Variants in STPG1 observed in about 807,000 individuals in gnomAD.
STPG1 encodes the protein sperm tail PG-rich repeat containing 1.
In STPG1, 33 loss-of-function variants were observed where a neutral mutation model predicts 40.1. That is an observed-to-expected ratio of 0.82 (90% confidence interval 0.62 to 1.10). The LOEUF is 1.10. STPG1 is among the 50% of genes least tolerant of loss of function. The pLI, the probability that STPG1 is intolerant of heterozygous loss-of-function variation, is 0.00. For missense variants in STPG1, 396 were observed against 415.1 expected (o/e 0.95, Z 0.40); for synonymous variants, 150 against 155.0 (o/e 0.97, Z 0.24).
At chr1:24,379,310 T>C (rs1642172723) in intron 5 of STPG1, 2 of 207,262 alleles carry the variant, frequency 9.6e-6, no homozygotes, top group Non-Finnish European at 2.0e-5. Flanking sequence ...AGTAAATCAT[T>C]AGTGGCTGCA....
intron 3 of STPG1, 162 bp downstream of exon 3, chr1:24,391,399 T>G (rs756589848): frequency 1.5e-5 from 7 of 470,882 alleles, no homozygotes; most frequent in Admixed American, 4.0e-5. Flanking sequence ...GTTCTTACAG[T>G]TAGTCCAGTC....
intron 1 of STPG1, among the ~76,000 whole-genome samples, chr1:24,404,207 T>C (rs1402762907): frequency 6.6e-6 from 1 of 152,226 alleles, no homozygotes; most frequent in Non-Finnish European, 1.5e-5. Flanking sequence ...TTGTTCTTTG[T>C]GAATATATTA....
chr1:24,360,056 C>T (rs6424094), intron 8 of STPG1, among the ~76,000 whole-genome samples: 2,335 of 152,314 alleles, frequency 0.015, 55 homozygotes, highest in African/African-American at 0.051. Flanking sequence ...GCCACGAACT[C>T]GCTGCGGACC....
chr1:24,388,179 T>G (rs1642596574), intron 3 of STPG1, among the ~76,000 whole-genome samples: 1 of 152,148 alleles, frequency 6.6e-6, no homozygotes, highest in African/African-American at 2.4e-5. Context: ...ACAACATCTT[T>G]ATTTTTAGGA....
intron 7 of STPG1, among the ~76,000 whole-genome samples, chr1:24,361,265 T>C (rs1641098412): frequency 1.3e-5 from 2 of 152,054 alleles, no homozygotes; most frequent in Admixed American, 6.5e-5. Flanking sequence ...GAGGTCAGGG[T>C]TGTCAGGATA....
chr1:24,387,975 A>G (rs897010846), intron 3 of STPG1, among the ~76,000 whole-genome samples: 1 of 152,228 alleles, frequency 6.6e-6, no homozygotes. Context: ...ATTTCATCAC[A>G]AATTAACCAC....
At chr1:24,401,740 C>T (rs187478652) in intron 1 of STPG1, among the ~76,000 whole-genome samples, 7 of 151,996 alleles carry the variant, frequency 4.6e-5, no homozygotes, top group African/African-American at 1.5e-4. Flanking sequence ...TCACCCAGGC[C>T]GGAGTGTAAT....
upstream of STPG1, chr1:24,414,782 T>TG (rs1296103154): frequency 6.6e-6 from 1 of 152,064 alleles, no homozygotes; most frequent in Non-Finnish European, 1.5e-5. Flanking sequence ...GTGATCCTCC[T>TG]GGCCTCCCAA....
chr1:24,390,873 C>T (rs1642742040), intron 3 of STPG1, among the ~76,000 whole-genome samples: 1 of 113,310 alleles, frequency 8.8e-6, no homozygotes, highest in South Asian at 2.7e-4. Context: ...TATCTTGGTT[C>T]AATGCAGCCT....
At chr1:24,400,920 T>C (rs1316332248) in intron 2 of STPG1, among the ~76,000 whole-genome samples, 3 of 152,220 alleles carry the variant, frequency 2.0e-5, no homozygotes, top group Admixed American at 6.5e-5. Flanking sequence ...ATAGGATTTA[T>C]GCTGATAATG....
intron 2 of STPG1, among the ~76,000 whole-genome samples, chr1:24,396,966 A>G (rs1285386601): frequency 6.6e-6 from 1 of 152,210 alleles, no homozygotes; most frequent in Admixed American, 6.5e-5. Flanking sequence ...AAACTCAGAA[A>G]TAAGTTAAAA....
Position 24,378,820 on chromosome 1 carries a change from G to A in STPG1, c.462+833C>T, listed in dbSNP as rs1435605685. ...CTTGCGCACTTCAGAGTGCTTTCACGTTCGTTGCCTTATGGTAACCCTGTA... is the reference window on the plus strand; with the variant it reads ...CTTGCGCACTTCAGAGTGCTTTCACATTCGTTGCCTTATGGTAACCCTGTA... On this transcript the variant is annotated intron_variant, in intron 5 of 8. Transcript: ENST00000337248. Among the ~76,000 whole-genome samples the A allele has an allele frequency of 5.3e-5, 8 of 152,304 alleles. No homozygotes were observed. The East Asian group carries it at 1.3e-3, about 26-fold the overall frequency.
intron 6 of STPG1, among the ~76,000 whole-genome samples, chr1:24,370,545 G>C (rs540663011): frequency 2.0e-5 from 3 of 152,102 alleles, no homozygotes; most frequent in African/African-American, 7.2e-5. Flanking sequence ...AGGCTGGAGT[G>C]CAGTGGCGTG....
At chr1:24,387,703 G>A (rs1429048011) in intron 3 of STPG1, among the ~76,000 whole-genome samples, 2 of 152,184 alleles carry the variant, frequency 1.3e-5, no homozygotes, top group African/African-American at 4.8e-5. Flanking sequence ...TCTTTGAGGG[G>A]TACCTGGCAT....
intron 7 of STPG1, among the ~76,000 whole-genome samples, chr1:24,366,694 G>T (rs578209322): frequency 5.9e-5 from 9 of 152,268 alleles, no homozygotes; most frequent in African/African-American, 1.9e-4. Flanking sequence ...TCCATGGTGA[G>T]CAAACCTGGG....
rs574713026 is a variant in STPG1 at position 24,375,268 on chromosome 1, T to G, written c.463-1458A>C. 1.1e-4 allele frequency among the ~76,000 whole-genome samples: 16 copies of G among 152,328 alleles called. No homozygotes were observed. The South Asian group carries it at 1.9e-3, about 18-fold the overall frequency. On this transcript the variant is annotated intron_variant, in intron 5 of 8. Coordinates refer to ENST00000337248, the MANE Select transcript of STPG1 (RefSeq NM_001199013.2). ...AATGCCAATTTGCGGTCTCCTGTAT[T>G]CATTGGAGAACAGAGGCAATACAAA... is the stretch of plus-strand genomic sequence containing the variant.
intron 3 of STPG1, among the ~76,000 whole-genome samples, chr1:24,385,344 C>T (rs1200368152): frequency 2.0e-5 from 3 of 152,150 alleles, no homozygotes; most frequent in East Asian, 3.9e-4. Flanking sequence ...GAATGATCCC[C>T]GGTGGACGGA....
chr1:24,390,585 ATT>A (rs929283535), intron 3 of STPG1, among the ~76,000 whole-genome samples: 3 of 151,746 alleles, frequency 2.0e-5, no homozygotes, highest in African/African-American at 7.3e-5. Context: ...CTCCCAGCTA[ATT>A]TTTGTATTTT....
At chr1:24,362,365 GGAGA>G (rs1288393499) in intron 7 of STPG1, among the ~76,000 whole-genome samples, 1 of 152,196 alleles carries the variant, frequency 6.6e-6, no homozygotes, top group Admixed American at 6.5e-5. Context: ...CTAGCAATAT[GGAGA>G]AAGCATGATG....
Sources: gnomAD v4.1 joint callset for allele counts (sites outside exome capture counted in the v4.1 genomes callset) on GRCh38, gnomAD v4.1.1 for gene constraint, MANE v1.5 for transcripts, NCBI Gene and HGNC (gene_info 2026-07-23, HGNC 2026-07-21) for gene names.